CACNA1B: variants seen among roughly 807,000 people sequenced by gnomAD.
CACNA1B encodes calcium voltage-gated channel subunit alpha1 B.
A neutral mutation model predicts 247.2 loss-of-function variants in CACNA1B; 70 were observed. The ratio of observed to expected loss-of-function variants is 0.28; its 90% CI spans 0.23 to 0.35. CACNA1B has a LOEUF of 0.35. CACNA1B is among the 10% of genes least tolerant of loss of function. The probability of loss-of-function intolerance (pLI) is 1.00; values close to 1 mark genes in which losing one functional copy is unlikely to be tolerated. For missense variants in CACNA1B, 2,367 were observed against 3,197.4 expected (o/e 0.74, Z 6.26); for synonymous variants, 1,231 against 1,294.4 (o/e 0.95, Z 1.05).
In CACNA1B at chr9:137,913,291, G is replaced by A. The variant is rs201805474; in HGVS notation, c.622+20G>A. 5.5e-5 allele frequency: 88 copies of A among 1,589,150 alleles called. No homozygotes were observed. In the African/African-American group the frequency reaches 1.1e-3, roughly 20 times the overall value. On this transcript the variant is annotated intron_variant, in intron 4 of 46. Coordinates refer to ENST00000371372, the MANE Select transcript of CACNA1B (RefSeq NM_000718.4). The surrounding 1 kb of genome is among the most constrained non-coding windows in gnomAD (Gnocchi z 5.2). ...TTCCAAGTGAGTCCAGCGAAGACAGGCCCAAGCCGGCTTGGAGTAACAACC... is the reference window on the plus strand; with the variant it reads ...TTCCAAGTGAGTCCAGCGAAGACAGACCCAAGCCGGCTTGGAGTAACAACC...
rs1957399325 is a variant in CACNA1B, at chr9:137,915,445, G to T, written c.775+639G>T. ...GGTGTATTTGTAGGTAAAGCCAACA[G>T]AATTTTCTGAGAGTCTATATGTGGG... On this transcript the variant is annotated intron_variant, in intron 5 of 46. Transcript: ENST00000371372. Among the ~76,000 whole-genome samples the T allele has an allele frequency of 2.6e-5, 4 of 152,234 alleles. No individual in the cohort carries two copies. In the South Asian group the frequency reaches 8.3e-4, roughly 32 times the overall value.
intron 6 of CACNA1B, among the ~76,000 whole-genome samples, chr9:137,929,633 T>C (rs543455595): frequency 1.3e-3 from 191 of 152,282 alleles, no homozygotes; most frequent in African/African-American, 4.3e-3. Context: ...TCTGTTCAGT[T>C]TTGACTTGCA....
rs1033467611 is a variant in CACNA1B, at chr9:138,046,338, T to C, written c.3414-566T>C. ...TGTGTCCCCGTGCAGCGTGTTCACG[T>C]GGAGCGTGTTCACATGCACCCTGGG... On this transcript the variant is annotated intron_variant, in intron 21 of 46. Coordinates refer to ENST00000371372, the MANE Select transcript of CACNA1B (RefSeq NM_000718.4). Among the ~76,000 whole-genome samples the C allele has an allele frequency of 2.6e-5, 4 of 152,208 alleles. No homozygotes were observed. In the East Asian group the frequency reaches 7.7e-4, roughly 29 times the overall value.
In CACNA1B at chr9:138,011,779, G is replaced by A. The variant is rs1439660000; in HGVS notation, c.2161-1350G>A. ...CTCCTCTGTGGAGGGAAATTCGCAG[G>A]CAGCTAACAAGGGACTTAGTTTCTG... On this transcript the variant is annotated intron_variant, in intron 17 of 46. Coordinates refer to ENST00000371372, the MANE Select transcript of CACNA1B (RefSeq NM_000718.4). The surrounding 1 kb of genome is among the most constrained non-coding windows in gnomAD (Gnocchi z 4.2). 6.6e-6 allele frequency among the ~76,000 whole-genome samples: 1 copy of A among 152,138 alleles called. No homozygotes were observed. Among genetic ancestry groups the A allele is most frequent in the Non-Finnish European group, 1.5e-5 (1 of 68,026 alleles).
intron 6 of CACNA1B, among the ~76,000 whole-genome samples, chr9:137,948,702 CTGGTGTGTGTG>C (rs1321260893): frequency 4.4e-5 from 6 of 137,508 alleles, no homozygotes; most frequent in Non-Finnish European, 7.9e-5. Context: ...GTGTGTGTGT[CTGGTGTGTGTG>C]TGGTGTATGT....
chr9:138,011,395 A>G lies in CACNA1B; in HGVS notation c.2160+1318A>G, dbSNP rs1443455446. 6.6e-6 allele frequency among the ~76,000 whole-genome samples: 1 copy of G among 152,182 alleles called. No individual in the cohort carries two copies. Among genetic ancestry groups the G allele is most frequent in the Non-Finnish European group, 1.5e-5 (1 of 68,034 alleles). The stretch of plus-strand genomic sequence containing the variant: ...CCCTTTTGTGTAACTGGCCTCATTT[A>G]GGAATTTCTTCTCTGAGGATCGGGG... On this transcript the variant is annotated intron_variant, in intron 17 of 46. Transcript: ENST00000371372. This position sits in a 1 kb window ranked among gnomAD's most constrained non-coding sequence, Gnocchi z 4.2.
rs544539078 is a variant in CACNA1B at position 137,986,931 on chromosome 9, G to A, written c.1974+77G>A. 27 of 1,041,728 alleles carry A rather than the reference G, an allele frequency of 2.6e-5. No homozygotes were observed. Among genetic ancestry groups the A allele is most frequent in the Non-Finnish European group, 3.0e-6 (2 of 662,244 alleles). 64.5% of individuals were successfully genotyped at this position (1,041,728 alleles called of 1,614,324 possible). ...GGGTGCTGGGAAGGCGGACTCTCCT[G>A]TCATTCCCTCCCTTGTTCCTCCACA... On this transcript the variant is annotated intron_variant, in intron 15 of 46. Transcript: ENST00000371372. This position sits in a 1 kb window ranked among gnomAD's most constrained non-coding sequence, Gnocchi z 6.0.
In CACNA1B at chr9:137,975,992, G is replaced by C. The variant is rs1386572477; in HGVS notation, c.1629G>C (p.Arg543=). The part of the protein sequence containing the change: ...MYGLGPRSYF[R]SSFNCFDFGV... The stretch of plus-strand genomic sequence containing the variant: ...GCCTGGGGCCCAGAAGCTACTTCCG[G>C]TCCTCCTTCAACTGCTTCGACTTTG... The change falls in exon 12 of 47, where the codon CGG becomes CGC. Residue 543 remains arginine (R), a synonymous_variant. Transcript: ENST00000371372. 1.2e-6 allele frequency: 2 copies of C among 1,612,164 alleles called. No individual in the cohort carries two copies. The highest frequency in any genetic ancestry group is 4.5e-5 in the East Asian group (2 of 44,884).
Position 138,118,689 on chromosome 9 carries a change from GC to G in CACNA1B, c.5954del (p.Pro1985LeufsTer34). 6.4e-7 allele frequency: 1 copy of G among 1,566,812 alleles called. No individual in the cohort carries two copies. The highest frequency in any genetic ancestry group is 8.7e-7 in the Non-Finnish European group (1 of 1,155,474). ...CAGATGCAGAGCATAACCCGGAGGGGCCCTGATGGGGAGCCCCAGCCTGGGC... is the reference window on the plus strand; with the variant it reads ...CAGATGCAGAGCATAACCCGGAGGGGCCTGATGGGGAGCCCCAGCCTGGGC... Reference protein sequence around the residue: ...DVQMQSITRRGPDGEPQPGLE... With the variant: ...DVQMQSITRRXPDGEPQPGLE... On this transcript the variant is annotated frameshift_variant, in exon 44 of 47. Coordinates refer to ENST00000371372, the MANE Select transcript of CACNA1B (RefSeq NM_000718.4). LOFTEE classifies it high-confidence loss of function.
intron 16 of CACNA1B, 78 bp downstream of exon 16, chr9:138,006,962 T>A (rs1236258362): frequency 6.6e-6 from 5 of 752,346 alleles, no homozygotes; most frequent in Non-Finnish European, 1.2e-5. Context: ...CGCGGATCCC[T>A]CCAGGAGGAC....
intron 6 of CACNA1B, among the ~76,000 whole-genome samples, chr9:137,932,341 G>A (rs1957617369): frequency 6.6e-6 from 1 of 152,150 alleles, no homozygotes; most frequent in Admixed American, 6.5e-5. Context: ...TTGGTTGTTG[G>A]GAGCTACATT....
intron 6 of CACNA1B, among the ~76,000 whole-genome samples, chr9:137,932,059 C>A (rs7868607): frequency 0.31 from 46,534 of 151,986 alleles, 9,366 homozygotes; most frequent in East Asian, 0.65. Flanking sequence ...CATAAGCCAC[C>A]TTTTTAAGCA....
At position 138,023,055 on chromosome 9, in the gene CACNA1B, G is replaced by A. The variant is rs1418987969; in HGVS notation, c.2312G>A (p.Arg771Gln). ...SAKARSVWEQ[R>Q]ASQLRLQNLR... Reference sequence around the variant, plus strand: ...AAGGCGCGCTCGGTGTGGGAGCAGCGGGCCAGCCAGCTACGGCTGCAGAAC... The same window carrying A: ...AAGGCGCGCTCGGTGTGGGAGCAGCAGGCCAGCCAGCTACGGCTGCAGAAC... Residue 771 changes from arginine (R) to glutamine (Q), a missense_variant, in exon 19 of 47, where the codon CGG becomes CAG. This residue lies in a region of CACNA1B where 631 missense variants were observed against 631.1 expected (regional missense o/e 1.00). Coordinates refer to ENST00000371372, the MANE Select transcript of CACNA1B (RefSeq NM_000718.4). The A allele has an allele frequency of 1.3e-6, 2 of 1,528,242 alleles. No homozygotes were observed. Among genetic ancestry groups the A allele is most frequent in the Admixed American group, 3.9e-5 (2 of 50,748 alleles). The allele number at this position is 1,528,242 out of a possible 1,614,324, so 94.7% of individuals were successfully genotyped here.
chr9:137,966,414 A>T (rs891349841), intron 10 of CACNA1B, among the ~76,000 whole-genome samples: 4 of 151,420 alleles, frequency 2.6e-5, no homozygotes, highest in African/African-American at 4.9e-5. Flanking sequence ...TGTTTAGCAG[A>T]GACTGGGTTT....
chr9:138,121,690 C>A lies in CACNA1B; in HGVS notation c.6711C>A (p.Ala2237=). 3.1e-6 allele frequency: 5 copies of A among 1,613,348 alleles called. 1 individual carries two copies. In the South Asian group the frequency reaches 5.5e-5, roughly 18 times the overall value. ...RLSRGLSEHN[A]LLQRDPLSQP... ...GCCGTGGGCTTTCCGAACACAACGCCCTGCTGCAGAGAGACCCCCTCAGCC... is the reference window on the plus strand; with the variant it reads ...GCCGTGGGCTTTCCGAACACAACGCACTGCTGCAGAGAGACCCCCTCAGCC... The change falls in exon 47 of 47, where the codon GCC becomes GCA. Residue 2237 remains alanine, a synonymous_variant. Transcript: ENST00000371372. This position sits in a 1 kb window ranked among gnomAD's most constrained non-coding sequence, Gnocchi z 6.8.
chr9:138,122,797 G>C lies in CACNA1B; in HGVS notation c.*798G>C, dbSNP rs983640282. The stretch of plus-strand genomic sequence containing the variant: ...TCCAGGTGGACGTAGACGGCCCCTG[G>C]CTCTGCTGCTCTTGACCAAGTGCCT... On this transcript the variant is annotated 3_prime_UTR_variant, in exon 47 of 47. Transcript: ENST00000371372. 1 of 152,252 alleles carries C rather than the reference G, an allele frequency of 6.6e-6. No homozygotes were observed. The highest frequency in any genetic ancestry group is 2.4e-5 in the African/African-American group (1 of 41,466). The allele number at this position is 152,252 out of a possible 1,614,324, so 9.4% of individuals were successfully genotyped here.
At chr9:138,043,693 G>T (rs1017743909) in intron 20 of CACNA1B, 81 bp from the exon 21 acceptor site, 1 of 1,534,164 alleles carries the variant, frequency 6.5e-7, no homozygotes, top group African/African-American at 1.4e-5. Flanking sequence ...AGTGCCGGGG[G>T]CATGGGAGCT....
intron 20 of CACNA1B, among the ~76,000 whole-genome samples, chr9:138,030,326 C>T (rs1441482164): frequency 2.0e-5 from 3 of 151,034 alleles, no homozygotes; most frequent in Non-Finnish European, 4.4e-5. Context: ...TGAATATTGT[C>T]AAATGATTTT....
At chr9:138,075,754 C>T (rs890262490) in intron 34 of CACNA1B, 65 bp from the exon 35 acceptor site, 73 of 1,043,656 alleles carry the variant, frequency 7.0e-5, no homozygotes, top group African/African-American at 3.3e-4. Flanking sequence ...CTCTCTGGCT[C>T]GGTCCACCTG....
Sources: allele counts gnomAD v4.1 joint callset (sites outside exome capture counted in the v4.1 genomes callset), GRCh38; gene constraint gnomAD v4.1.1; regional missense constraint gnomAD v4.1.1; non-coding constraint Gnocchi (gnomAD v3.1); transcripts MANE v1.5; gene names NCBI Gene and HGNC (gene_info 2026-07-23, HGNC 2026-07-21).